LTBP1: variants seen among roughly 807,000 people sequenced by gnomAD.
LTBP1 encodes latent transforming growth factor beta binding protein 1.
Under a neutral mutation model 207.6 loss-of-function variants are expected in LTBP1, and 129 were observed. The ratio of observed to expected loss-of-function variants is 0.62; its 90% CI spans 0.54 to 0.72. The LOEUF (loss-of-function observed/expected upper bound fraction) is 0.72. LTBP1 is among the 30% of genes least tolerant of loss of function. LTBP1 has a pLI of 0.00. For synonymous variants in LTBP1, 963 were observed against 833.7 expected (o/e 1.16, Z -2.67); for missense variants, 2,281 against 2,217.2 (o/e 1.03, Z -0.58).
At chr2:33,039,625 C>T (rs2076089601) in intron 3 of LTBP1, among the ~76,000 whole-genome samples, 1 of 152,152 alleles carries the variant, frequency 6.6e-6, no homozygotes, top group East Asian at 1.9e-4. Flanking sequence ...CAGTTCTAAT[C>T]CCAGACTTGT....
At chr2:33,227,227 A>G (rs1177847822) in intron 9 of LTBP1, among the ~76,000 whole-genome samples, 7 of 151,988 alleles carry the variant, frequency 4.6e-5, no homozygotes, top group Non-Finnish European at 4.4e-5. Flanking sequence ...GGGTTTCACC[A>G]TGTTGGCCAG....
intron 19 of LTBP1, among the ~76,000 whole-genome samples, chr2:33,282,543 A>G (rs1243016688): frequency 6.6e-6 from 1 of 152,162 alleles, no homozygotes; most frequent in South Asian, 2.1e-4. Flanking sequence ...CATTGAACCA[A>G]TGGGTGGGTT....
chr2:32,967,278 A>G (rs1680154066), intron 2 of LTBP1, among the ~76,000 whole-genome samples: 1 of 151,846 alleles, frequency 6.6e-6, no homozygotes, highest in Non-Finnish European at 1.5e-5. Context: ...TTTTGGTTTC[A>G]TTTATTTCTT....
chr2:33,350,366 G>A (rs1018976724), intron 26 of LTBP1, among the ~76,000 whole-genome samples: 22 of 152,156 alleles, frequency 1.4e-4, no homozygotes, highest in African/African-American at 5.3e-4. Flanking sequence ...GCAGGTTTCA[G>A]GTCAGTATCC....
intron 7 of LTBP1, among the ~76,000 whole-genome samples, chr2:33,194,030 AGG>A (rs1268883986): frequency 2.6e-5 from 4 of 152,088 alleles, no homozygotes; most frequent in African/African-American, 9.7e-5. Context: ...TCTGTTACCC[AGG>A]CTGGAGTGCA....
At chr2:32,966,910 C>G (rs576200400) in intron 2 of LTBP1, among the ~76,000 whole-genome samples, 4 of 152,188 alleles carry the variant, frequency 2.6e-5, no homozygotes, top group Non-Finnish European at 5.9e-5. Context: ...GAAGTATATT[C>G]TCTTCTTCTA....
intron 31 of LTBP1, among the ~76,000 whole-genome samples, chr2:33,383,325 C>G (rs1447249251): frequency 1.3e-5 from 2 of 152,326 alleles, no homozygotes; most frequent in Non-Finnish European, 2.9e-5. Context: ...TGCACTCCAT[C>G]CTGGGTGACA....
intron 15 of LTBP1, among the ~76,000 whole-genome samples, chr2:33,268,731 T>C (rs940123830): frequency 1.8e-4 from 28 of 152,354 alleles, no homozygotes; most frequent in African/African-American, 6.7e-4. Context: ...TCAATTGTTG[T>C]GGGACAATCT....
At chr2:32,999,962 G>T (rs1685851358) in intron 2 of LTBP1, among the ~76,000 whole-genome samples, 1 of 134,750 alleles carries the variant, frequency 7.4e-6, no homozygotes, top group Non-Finnish European at 1.6e-5. Context: ...TCTCACACCT[G>T]ATGTATGTAA....
chr2:33,200,696 A>T (rs2089139911), intron 7 of LTBP1, among the ~76,000 whole-genome samples: 1 of 152,188 alleles, frequency 6.6e-6, no homozygotes, highest in South Asian at 2.1e-4. Flanking sequence ...GGCAACCTAC[A>T]AAATGGGAGA....
chr2:32,951,677 G>C (rs1677127627), intron 2 of LTBP1, among the ~76,000 whole-genome samples: 3 of 152,120 alleles, frequency 2.0e-5, no homozygotes, highest in Admixed American at 6.5e-5. Context: ...CTAAAATCTT[G>C]CCTTCTTTAT....
At chr2:33,143,036 C>T (rs2082755920) in intron 5 of LTBP1, among the ~76,000 whole-genome samples, 1 of 152,194 alleles carries the variant, frequency 6.6e-6, no homozygotes, top group Admixed American at 6.5e-5. Flanking sequence ...CCCCTTCTTC[C>T]ACCCCAATCC....
chr2:33,099,315 C>T (rs1434481559), intron 3 of LTBP1, among the ~76,000 whole-genome samples: 1 of 152,154 alleles, frequency 6.6e-6, no homozygotes, highest in East Asian at 1.9e-4. Flanking sequence ...TTCTTGCATT[C>T]ACCTTAAAAA....
chr2:33,202,047 A>G (rs2089356256), intron 7 of LTBP1, among the ~76,000 whole-genome samples: 1 of 151,800 alleles, frequency 6.6e-6, no homozygotes. Context: ...ACACACACAC[A>G]CACACACACA....
At chr2:33,098,459 A>G (rs1301203665) in intron 3 of LTBP1, among the ~76,000 whole-genome samples, 1 of 152,108 alleles carries the variant, frequency 6.6e-6, no homozygotes, top group Non-Finnish European at 1.5e-5. Context: ...TCTGAGACAG[A>G]GTCTCACTCT....
chr2:33,184,544 G>T (rs1358072239), intron 5 of LTBP1, among the ~76,000 whole-genome samples: 1 of 152,204 alleles, frequency 6.6e-6, no homozygotes, highest in African/African-American at 2.4e-5. Context: ...CTGCTGTGAA[G>T]TCTATTTTAA....
intron 5 of LTBP1, among the ~76,000 whole-genome samples, chr2:33,185,221 C>A (rs1015369655): frequency 1.3e-5 from 2 of 152,056 alleles, no homozygotes; most frequent in African/African-American, 4.8e-5. Flanking sequence ...CAGAGGATCC[C>A]TGTAATGGGC....
chr2:33,178,234 A>G (rs2086262053), intron 5 of LTBP1, among the ~76,000 whole-genome samples: 1 of 152,214 alleles, frequency 6.6e-6, no homozygotes, highest in Admixed American at 6.5e-5. Flanking sequence ...AGGTTTAGGA[A>G]TCATTAGGAG....
intron 15 of LTBP1, among the ~76,000 whole-genome samples, chr2:33,267,538 G>A (rs1193722194): frequency 6.6e-6 from 1 of 152,176 alleles, no homozygotes; most frequent in Non-Finnish European, 1.5e-5. Context: ...ACTGCTTTGT[G>A]CTGCAAAGTA....
Sources: allele counts gnomAD v4.1 joint callset (sites outside exome capture counted in the v4.1 genomes callset), GRCh38; gene constraint gnomAD v4.1.1; transcripts MANE v1.5; gene names NCBI Gene and HGNC (gene_info 2026-07-23, HGNC 2026-07-21).